RYR2: variants seen among roughly 807,000 people sequenced by gnomAD.
RYR2 encodes ryanodine receptor 2, also known as cardiac muscle ryanodine receptor-calcium release channel.
A neutral mutation model predicts 601.1 loss-of-function variants in RYR2; 227 were observed. The observed-to-expected ratio is 0.38, with a 90% CI of 0.34 to 0.42. The LOEUF is 0.42. Ranked by LOEUF, RYR2 falls within the 10% of genes least tolerant of loss-of-function variation. RYR2 has a pLI of 1.00. For missense variants in RYR2, 4,646 were observed against 6,156.5 expected, an observed-to-expected ratio of 0.75 and a Z score of 8.21; for synonymous variants, 2,223 against 2,175.1, an observed-to-expected ratio of 1.02 and a Z score of -0.61.
chr1:237,216,746 C>T (rs1683205577), intron 1 of RYR2, among the ~76,000 whole-genome samples: 1 of 147,902 alleles, frequency 6.8e-6, no homozygotes, highest in African/African-American at 2.6e-5. Context: ...TTAAAACACC[C>T]CCCACCAAAA....
At chr1:237,777,744 C>T (rs1016745039) in intron 87 of RYR2, among the ~76,000 whole-genome samples, 5 of 152,182 alleles carry the variant, frequency 3.3e-5, no homozygotes, top group Admixed American at 2.6e-4. Context: ...AAAAGATAAA[C>T]TTAGGCACAA....
In RYR2 at chr1:237,212,493, T is replaced by C. The variant is rs542964254; in HGVS notation, c.49-58004T>C. 4.6e-5 allele frequency among the ~76,000 whole-genome samples: 7 copies of C among 152,270 alleles called. No homozygotes were observed. In the South Asian group the frequency reaches 1.5e-3, roughly 32 times the overall value. On this transcript the variant is annotated intron_variant, in intron 1 of 104. Transcript: ENST00000366574. Reference sequence around the variant, plus strand: ...TCCTACTGGGCTTGGTGGCTCCAGCTACTTTGGAGGCTGCTGCGGGAGGAT... The same window carrying C: ...TCCTACTGGGCTTGGTGGCTCCAGCCACTTTGGAGGCTGCTGCGGGAGGAT...
intron 3 of RYR2, among the ~76,000 whole-genome samples, chr1:237,337,312 TAAAA>T (rs1235807474): frequency 2.7e-5 from 4 of 150,928 alleles, no homozygotes; most frequent in African/African-American, 9.7e-5. Context: ...GTAAATAAAT[TAAAA>T]AAATACATTT....
chr1:237,417,431 T>G (rs1705125834), intron 11 of RYR2, among the ~76,000 whole-genome samples: 1 of 152,198 alleles, frequency 6.6e-6, no homozygotes, highest in Non-Finnish European at 1.5e-5. Context: ...TTGGCAGAAA[T>G]GGCTACTAGG....
chr1:237,539,065 C>CAA (rs1558991569), intron 25 of RYR2, among the ~76,000 whole-genome samples: 1 of 152,202 alleles, frequency 6.6e-6, no homozygotes, highest in Admixed American at 6.5e-5. Context: ...AACCTAGATA[C>CAA]AACCTAGATA....
intron 1 of RYR2, among the ~76,000 whole-genome samples, chr1:237,245,498 T>C (rs1686719608): frequency 6.6e-6 from 1 of 152,132 alleles, no homozygotes; most frequent in Non-Finnish European, 1.5e-5. Flanking sequence ...CTCATTTCCA[T>C]TAAAGCATAT....
intron 2 of RYR2, among the ~76,000 whole-genome samples, chr1:237,295,683 T>G (rs1195660453): frequency 6.6e-6 from 1 of 152,228 alleles, no homozygotes; most frequent in Non-Finnish European, 1.5e-5. Flanking sequence ...CTATGAACAT[T>G]GTCTAAAATG....
At chr1:237,775,136 A>G (rs1230871346) in intron 87 of RYR2, among the ~76,000 whole-genome samples, 1 of 150,806 alleles carries the variant, frequency 6.6e-6, no homozygotes, top group Admixed American at 6.6e-5. Flanking sequence ...TATTTTTTAT[A>G]TGACATTTTA....
rs1678236675 is a variant in RYR2, at chr1:237,614,419, C to T, written c.5291C>T (p.Ser1764Phe). ...STSLRPRMQFSSPSFVSISNE... is the reference protein window; with the variant it reads ...STSLRPRMQFFSPSFVSISNE... The stretch of plus-strand genomic sequence containing the variant: ...TCCCTCAGGCCACGGATGCAGTTTT[C>T]CTCCCCCAGTTTTGTAAGCATTAGT... Residue 1764 changes from serine to phenylalanine, a missense_variant, in exon 37 of 105, where the codon TCC becomes TTC. By Grantham distance (155) the Ser-to-Phe change is radical. Around this residue, in one of 17 missense-constraint regions of RYR2, gnomAD observed 1,807 missense variants for 2,088.1 expected, o/e 0.87. Transcript: ENST00000366574. The surrounding 1 kb of genome is among the most constrained non-coding windows in gnomAD (Gnocchi z 4.3). 8 of 1,614,014 alleles carry T rather than the reference C, an allele frequency of 5.0e-6. No homozygotes were observed. Among genetic ancestry groups the T allele is most frequent in the East Asian group, 2.2e-5 (1 of 44,886 alleles).
intron 8 of RYR2, among the ~76,000 whole-genome samples, chr1:237,381,251 CAA>C (rs60493059): frequency 1.7e-4 from 8 of 45,776 alleles, no homozygotes; most frequent in Admixed American, 9.1e-4. Flanking sequence ...GACTCCGTCT[CAA>C]AAAAAAAAAA....
At chr1:237,365,667 T>C (rs1413621435) in intron 5 of RYR2, among the ~76,000 whole-genome samples, 5 of 152,180 alleles carry the variant, frequency 3.3e-5, no homozygotes, top group African/African-American at 9.7e-5. Context: ...TAACTTATGA[T>C]TTGGGGTTTG....
chr1:237,313,818 GT>G (rs1694814346), intron 2 of RYR2, among the ~76,000 whole-genome samples: 1 of 151,978 alleles, frequency 6.6e-6, no homozygotes, highest in African/African-American at 2.4e-5. Flanking sequence ...AACCTTAGAT[GT>G]TTTATAGCAT....
intron 94 of RYR2, among the ~76,000 whole-genome samples, chr1:237,793,664 T>C (rs115344168): frequency 6.6e-6 from 1 of 152,230 alleles, no homozygotes; most frequent in Non-Finnish European, 1.5e-5. Flanking sequence ...ATATATGTAA[T>C]ATCTATTCTA....
intron 12 of RYR2, among the ~76,000 whole-genome samples, chr1:237,431,400 G>GT (rs1183919575): frequency 6.6e-6 from 1 of 152,028 alleles, no homozygotes; most frequent in Non-Finnish European, 1.5e-5. Context: ...ACAACCTCTT[G>GT]TGTGTATTTG....
intron 2 of RYR2, among the ~76,000 whole-genome samples, chr1:237,290,341 G>C (rs1286582566): frequency 2.0e-5 from 3 of 152,180 alleles, no homozygotes; most frequent in Admixed American, 2.0e-4. Flanking sequence ...ATGAGTGGTT[G>C]GCAAGGGCTG....
intron 1 of RYR2, among the ~76,000 whole-genome samples, chr1:237,091,919 G>T (rs777794808): frequency 6.6e-6 from 1 of 152,242 alleles, no homozygotes; most frequent in Non-Finnish European, 1.5e-5. Flanking sequence ...TCTTGGCTGA[G>T]AAGATGGGAA....
intron 49 of RYR2, among the ~76,000 whole-genome samples, chr1:237,649,269 C>A (rs974405754): frequency 6.6e-6 from 1 of 152,128 alleles, no homozygotes; most frequent in Non-Finnish European, 1.5e-5. Flanking sequence ...GATTTCAAAG[C>A]ACATTAGGAC....
chr1:237,569,040 G>T, intron 28 of RYR2, 105 bp from the exon 29 acceptor site: 1 of 936,248 alleles, frequency 1.1e-6, no homozygotes, highest in Non-Finnish European at 1.6e-6. Flanking sequence ...TTCTCCTACT[G>T]TTGTGTTGAT....
At chr1:237,302,057 A>C (rs1007052299) in intron 2 of RYR2, among the ~76,000 whole-genome samples, 9 of 152,210 alleles carry the variant, frequency 5.9e-5, no homozygotes, top group African/African-American at 1.9e-4. Context: ...ACTTGAATTC[A>C]GACATAATTT....
Sources: gnomAD v4.1 joint callset for allele counts (sites outside exome capture counted in the v4.1 genomes callset) on GRCh38, gnomAD v4.1.1 for gene constraint, gnomAD v4.1.1 regional missense constraint, Gnocchi (gnomAD v3.1) non-coding constraint, MANE v1.5 for transcripts, NCBI Gene and HGNC (gene_info 2026-07-23, HGNC 2026-07-21) for gene names.